Variants in MACROD1 observed in about 807,000 individuals in gnomAD.
The protein encoded by MACROD1 is mono-ADP ribosylhydrolase 1.
MACROD1 carries 31 observed loss-of-function variants against 41.4 expected under a neutral mutation model. That is an observed-to-expected ratio of 0.75 (90% confidence interval 0.56 to 1.01). The LOEUF (loss-of-function observed/expected upper bound fraction) is 1.01. Ranked by LOEUF, MACROD1 falls within the 50% of genes least tolerant of loss-of-function variation. The probability of loss-of-function intolerance (pLI) is 0.00; values close to 1 mark genes in which losing one functional copy is unlikely to be tolerated. For synonymous variants in MACROD1, 252 were observed against 203.4 expected (o/e 1.24, Z -2.03); for missense variants, 473 against 460.0 (o/e 1.03, Z -0.26).
intron 3 of MACROD1, among the ~76,000 whole-genome samples, chr11:64,076,778 G>A (rs544384158): frequency 4.3e-4 from 66 of 152,260 alleles, no homozygotes; most frequent in African/African-American, 1.5e-3. Flanking sequence ...GCTAGCTAAG[G>A]TGGGACCCAG....
At chr11:64,105,835 T>C (rs1439977369) in intron 3 of MACROD1, among the ~76,000 whole-genome samples, 1 of 152,172 alleles carries the variant, frequency 6.6e-6, no homozygotes, top group African/African-American at 2.4e-5. Flanking sequence ...GGGAGGGCTC[T>C]GTCTCCACCC....
intron 3 of MACROD1, among the ~76,000 whole-genome samples, chr11:64,150,550 G>A (rs932782354): frequency 6.6e-6 from 1 of 152,164 alleles, no homozygotes; most frequent in Non-Finnish European, 1.5e-5. Context: ...GGGTTCAGCC[G>A]CCACTCAACC....
intron 3 of MACROD1, among the ~76,000 whole-genome samples, chr11:64,089,217 T>C (rs763629046): frequency 5.9e-5 from 9 of 152,106 alleles, no homozygotes; most frequent in Non-Finnish European, 8.8e-5. Context: ...GGGGCTGGCA[T>C]TGCACCGCGG....
At chr11:64,137,835 T>TTAGGAGATA (rs1361893754) in intron 3 of MACROD1, among the ~76,000 whole-genome samples, 1 of 152,222 alleles carries the variant, frequency 6.6e-6, no homozygotes, top group Non-Finnish European at 1.5e-5. Context: ...AGCACAGTTC[T>TTAGGAGATA]TAGGAGATAC....
At chr11:64,011,463 C>A (rs569162521) in intron 4 of MACROD1, among the ~76,000 whole-genome samples, 303 of 151,962 alleles carry the variant, frequency 2.0e-3, no homozygotes, top group African/African-American at 7.0e-3. Context: ...AGACTGAGAG[C>A]TGTGTCCCTG....
chr11:64,059,189 G>A (rs1943849493), intron 3 of MACROD1, among the ~76,000 whole-genome samples: 1 of 152,134 alleles, frequency 6.6e-6, no homozygotes, highest in Admixed American at 6.5e-5. Flanking sequence ...GCAGTAGGAG[G>A]GGCAGCCTGT....
intron 3 of MACROD1, among the ~76,000 whole-genome samples, chr11:64,131,946 C>A (rs1031577809): frequency 6.6e-6 from 1 of 151,720 alleles, no homozygotes; most frequent in Non-Finnish European, 1.5e-5. Flanking sequence ...GAGGGAGGGG[C>A]GCACTTGACT....
intron 1 of MACROD1, among the ~76,000 whole-genome samples, chr11:64,158,009 G>A (rs934026120): frequency 2.0e-5 from 3 of 152,190 alleles, no homozygotes; most frequent in African/African-American, 7.2e-5. Flanking sequence ...GCCCACACCA[G>A]GGCATTGGCA....
rs1279580691 is a variant in MACROD1, at chr11:64,146,051, TG to T, written c.517+5187del. On this transcript the variant is annotated intron_variant, in intron 3 of 10. Transcript: ENST00000255681. This position sits in a 1 kb window ranked among gnomAD's most constrained non-coding sequence, Gnocchi z 4.7. ...TCCCAAAGTGCTAGGATAACAGGCGTGAGCCACCGTGCCTGGCCAAGAATGG... is the reference window on the plus strand; with the variant it reads ...TCCCAAAGTGCTAGGATAACAGGCGTAGCCACCGTGCCTGGCCAAGAATGG... 6.6e-6 allele frequency among the ~76,000 whole-genome samples: 1 copy of T among 151,496 alleles called. No individual in the cohort carries two copies. The highest frequency in any genetic ancestry group is 2.4e-5 in the African/African-American group (1 of 41,184).
chr11:64,095,686 C>T (rs1199087932), intron 3 of MACROD1, among the ~76,000 whole-genome samples: 2 of 152,178 alleles, frequency 1.3e-5, no homozygotes, highest in Admixed American at 6.5e-5. Flanking sequence ...CAGCTCACAG[C>T]GGAGGTCTGA....
rs145273089 is a variant in MACROD1, at chr11:64,153,455, A to G, written c.299-1062T>C. ...CTGCAGCCTGGAAGCTTCTATGCACATGGCAGTGAGGGGGACAGGTAGGTC... is the reference window on the plus strand; with the variant it reads ...CTGCAGCCTGGAAGCTTCTATGCACGTGGCAGTGAGGGGGACAGGTAGGTC... On this transcript the variant is annotated intron_variant, in intron 1 of 10. Transcript: ENST00000255681. 1.6e-3 allele frequency among the ~76,000 whole-genome samples: 237 copies of G among 151,696 alleles called. 1 individual carries two copies. Among genetic ancestry groups the G allele is most frequent in the African/African-American group, 5.4e-3 (225 of 41,374 alleles).
At chr11:64,147,642 C>G (rs758055358) in intron 3 of MACROD1, among the ~76,000 whole-genome samples, 5 of 151,804 alleles carry the variant, frequency 3.3e-5, no homozygotes, top group Admixed American at 2.6e-4. Flanking sequence ...AGGCTAGTCT[C>G]GAAACTCCTG....
intron 4 of MACROD1, among the ~76,000 whole-genome samples, chr11:64,010,296 T>TGTGG (rs1942985668): frequency 1.2e-5 from 1 of 86,286 alleles, no homozygotes; most frequent in Non-Finnish European, 2.1e-5. Flanking sequence ...CATGTTGGGG[T>TGTGG]GTTGGAGTGT....
chr11:64,084,714 T>G (rs1373435131), intron 3 of MACROD1, among the ~76,000 whole-genome samples: 1 of 152,192 alleles, frequency 6.6e-6, no homozygotes, highest in African/African-American at 2.4e-5. Context: ...CACGTGCCCG[T>G]GCTGCTTCGG....
At chr11:64,085,368 A>T (rs1565225441) in intron 3 of MACROD1, among the ~76,000 whole-genome samples, 1 of 152,190 alleles carries the variant, frequency 6.6e-6, no homozygotes, top group African/African-American at 2.4e-5. Flanking sequence ...ATTCGTGCTA[A>T]TATTTCTCTG....
intron 3 of MACROD1, among the ~76,000 whole-genome samples, chr11:64,136,041 C>T (rs866137979): frequency 4.6e-5 from 7 of 152,218 alleles, no homozygotes; most frequent in African/African-American, 7.2e-5. Flanking sequence ...TCCTGCTCCC[C>T]GCCACGCTCG....
intron 3 of MACROD1, among the ~76,000 whole-genome samples, chr11:64,031,882 T>C (rs1031210156): frequency 2.6e-5 from 4 of 152,196 alleles, no homozygotes; most frequent in African/African-American, 9.6e-5. Context: ...GAACATCCCG[T>C]AGTATACTGG....
At chr11:64,049,146 G>A (rs1434911765) in intron 3 of MACROD1, among the ~76,000 whole-genome samples, 1 of 152,194 alleles carries the variant, frequency 6.6e-6, no homozygotes, top group Non-Finnish European at 1.5e-5. Context: ...AAGTGACAGA[G>A]CCCCTGAGAG....
intron 4 of MACROD1, chr11:64,001,533 CCTTT>C (rs1262786794): frequency 8.5e-6 from 6 of 702,286 alleles, no homozygotes; most frequent in Non-Finnish European, 1.6e-5. Flanking sequence ...AGCTCACACC[CCTTT>C]CTTTTGCTGT....
Sources: gnomAD v4.1 joint callset for allele counts (sites outside exome capture counted in the v4.1 genomes callset) on GRCh38, gnomAD v4.1.1 for gene constraint, Gnocchi (gnomAD v3.1) non-coding constraint, MANE v1.5 for transcripts, NCBI Gene and HGNC (gene_info 2026-07-23, HGNC 2026-07-21) for gene names.